The following ADAM19 variants were observed in gnomAD, a reference collection of about 807,000 sequenced individuals.
ADAM19 encodes the protein ADAM metallopeptidase domain 19.
A neutral mutation model predicts 114.7 loss-of-function variants in ADAM19; 65 were observed. The ratio of observed to expected loss-of-function variants is 0.57; its 90% confidence interval spans 0.46 to 0.70. The LOEUF is 0.70. ADAM19 is among the 30% of genes least tolerant of loss of function. The probability of loss-of-function intolerance (pLI) is 0.00; values close to 1 mark genes in which losing one functional copy is unlikely to be tolerated. For synonymous variants in ADAM19, 466 were observed against 460.5 expected (o/e 1.01, Z -0.15); for missense variants, 1,063 against 1,204.7 (o/e 0.88, Z 1.74).
rs543884212 is a variant in ADAM19 at position 157,483,806 on chromosome 5, G to C, written c.2551-1863C>G. Reference sequence around the variant, plus strand: ...CCACCACCATGCCCAGCTAATTTTTGTATTTTTAGTAGAGACGGGGTTTCG... The same window carrying C: ...CCACCACCATGCCCAGCTAATTTTTCTATTTTTAGTAGAGACGGGGTTTCG... On this transcript the variant is annotated intron_variant, in intron 21 of 22. Coordinates refer to ENST00000257527, the MANE Select transcript of ADAM19 (RefSeq NM_033274.5). Among the ~76,000 whole-genome samples, 299 of 152,094 alleles carry C rather than the reference G, an allele frequency of 2.0e-3. 6 individuals are homozygous for C. Among genetic ancestry groups the C allele is most frequent in the Admixed American group, 0.018 (275 of 15,278 alleles).
chr5:157,524,166 T>C (rs541405309), intron 5 of ADAM19, among the ~76,000 whole-genome samples: 2 of 152,198 alleles, frequency 1.3e-5, no homozygotes, highest in Non-Finnish European at 2.9e-5. Context: ...CAACCCTAAT[T>C]CCTTTAGCTG....
intron 5 of ADAM19, among the ~76,000 whole-genome samples, chr5:157,528,514 G>C (rs1004702651): frequency 2.6e-5 from 4 of 152,194 alleles, no homozygotes; most frequent in Non-Finnish European, 5.9e-5. Context: ...ATACCACTGC[G>C]AGGCCAGTTA....
intron 12 of ADAM19, among the ~76,000 whole-genome samples, chr5:157,502,212 T>C (rs931832362): frequency 6.6e-6 from 1 of 152,232 alleles, no homozygotes; most frequent in African/African-American, 2.4e-5. Context: ...AGTTCTGCTT[T>C]CTGCAGAAAC....
rs759783443 is a variant in ADAM19 at position 157,480,995 on chromosome 5, T to A, written c.2711A>T (p.Glu904Val). ...CCCTCCAGCCCTCTGTGATCTGTAT[T>A]CTGGAAACTGGGAAGAAAAAGAAGG... ...PLAALAPKFP[E>V]YRSQRAGGMI... Residue 904 changes from glutamate (E) to valine (V), a missense_variant, in exon 23 of 23, where the codon GAA (glutamate) becomes GTA (valine). Physicochemically the swap from Glu to Val is moderately radical, Grantham distance 121. Coordinates refer to ENST00000257527, the MANE Select transcript of ADAM19 (RefSeq NM_033274.5). The A allele has an allele frequency of 2.7e-5, 44 of 1,614,000 alleles. No individual in the cohort carries two copies. Among genetic ancestry groups the A allele is most frequent in the Non-Finnish European group, 3.5e-5 (41 of 1,180,022 alleles).
intron 3 of ADAM19, 67 bp from the exon 4 acceptor site, chr5:157,538,058 G>T: frequency 7.4e-7 from 1 of 1,353,602 alleles, no homozygotes; most frequent in Non-Finnish European, 1.1e-6. Context: ...GCAACAACGA[G>T]TGATTTTAAC....
chr5:157,513,324 T>G (rs1755981325), intron 8 of ADAM19, 110 bp downstream of exon 8: 1 of 1,086,938 alleles, frequency 9.2e-7, no homozygotes, highest in Non-Finnish European at 1.4e-6. Flanking sequence ...GCACTGCTCA[T>G]TCCCTTTCAG....
At chr5:157,554,065 C>T (rs1397704057) in intron 3 of ADAM19, among the ~76,000 whole-genome samples, 1 of 152,106 alleles carries the variant, frequency 6.6e-6, no homozygotes, top group Non-Finnish European at 1.5e-5. Context: ...TACACTATGA[C>T]CTCATTTGTA....
At chr5:157,561,246 C>T (rs1323532904) in intron 3 of ADAM19, among the ~76,000 whole-genome samples, 1 of 152,218 alleles carries the variant, frequency 6.6e-6, no homozygotes, top group Admixed American at 6.5e-5. Context: ...GTGTCTGCTG[C>T]CTGAGCTGAA....
rs1030129358 is a variant in ADAM19 at position 157,527,950 on chromosome 5, C to T, written c.407+2857G>A. The stretch of plus-strand genomic sequence containing the variant: ...CACCTAGAAGCTCAGCTGAATTCCT[C>T]TTGGTATCATCAGCTTGAAGATCTC... On this transcript the variant is annotated intron_variant, in intron 5 of 22. Transcript: ENST00000257527. Among the ~76,000 whole-genome samples the T allele has an allele frequency of 7.9e-5, 12 of 152,232 alleles. 1 individual carries two copies. The highest frequency in any genetic ancestry group is 6.5e-4 in the Admixed American group (10 of 15,296).
chr5:157,490,432 T>A lies in ADAM19; in HGVS notation c.2118A>T (p.Gly706=), dbSNP rs1755113949. 1.2e-6 allele frequency: 2 copies of A among 1,614,018 alleles called. No individual in the cohort carries two copies. Among genetic ancestry groups the A allele is most frequent in the East Asian group, 4.5e-5 (2 of 44,880 alleles). ...PPESVGPVVA[G]VLVAILVLAV... The stretch of plus-strand genomic sequence containing the variant: ...CCAGCACCAAGATGGCCACCAACAC[T>A]CCAGCTACCACAGGACCCACACCTT... Residue 706 remains glycine, a synonymous_variant, in exon 19 of 23, where the codon GGA becomes GGT. Coordinates refer to ENST00000257527, the MANE Select transcript of ADAM19 (RefSeq NM_033274.5).
chr5:157,575,544 A>G (rs6556092), intron 1 of ADAM19, 59 bp downstream of exon 1: 1,264,061 of 1,309,118 alleles, frequency 0.97, 610,419 homozygotes, highest in East Asian at 1. Context: ...CGGACCCGCA[A>G]GGCTACTCCC....
chr5:157,481,631 C>A (rs779421590), intron 22 of ADAM19, 160 bp downstream of exon 22: 1 of 1,549,390 alleles, frequency 6.5e-7, no homozygotes. Context: ...CACAGTCAAG[C>A]GGGCACCAAG....
At chr5:157,509,218 A>G in intron 9 of ADAM19, 83 bp downstream of exon 9, 3 of 1,420,904 alleles carry the variant, frequency 2.1e-6, no homozygotes, top group Non-Finnish European at 2.8e-6. Flanking sequence ...AACACTCGCC[A>G]TGGGGCAAAC....
chr5:157,505,760 T>C lies in ADAM19; in HGVS notation c.1039A>G (p.Met347Val). 6.2e-7 allele frequency: 1 copy of C among 1,613,998 alleles called. No homozygotes were observed. ...IGVAATMAHE[M>V]GHNFGMTHDS... is the part of the protein sequence containing the mutation. ...TGGGTCATGCCAAAGTTGTGGCCCATCTCGTGGGCCATGGTGGCAGCCACG... is the reference window on the plus strand; with the variant it reads ...TGGGTCATGCCAAAGTTGTGGCCCACCTCGTGGGCCATGGTGGCAGCCACG... The change falls in exon 11 of 23, where the codon ATG becomes GTG. Residue 347 changes from methionine to valine, a missense_variant. Physicochemically the swap from Met to Val is conservative, Grantham distance 21 (BLOSUM62 1). Transcript: ENST00000257527.
intron 8 of ADAM19, among the ~76,000 whole-genome samples, chr5:157,511,334 G>A (rs1755914034): frequency 6.6e-6 from 1 of 152,196 alleles, no homozygotes; most frequent in South Asian, 2.1e-4. Context: ...AGGCACTGAG[G>A]CTTAGAGAAG....
chr5:157,542,901 C>T (rs1756954907), intron 3 of ADAM19, among the ~76,000 whole-genome samples: 1 of 152,110 alleles, frequency 6.6e-6, no homozygotes, highest in East Asian at 1.9e-4. Context: ...AAGAGTGTGG[C>T]TTTGAAAGAT....
chr5:157,523,720 C>T (rs1217147882), intron 5 of ADAM19, among the ~76,000 whole-genome samples: 5 of 152,160 alleles, frequency 3.3e-5, no homozygotes, highest in Non-Finnish European at 7.4e-5. Flanking sequence ...AATTACCCAG[C>T]CTTACGTATT....
At chr5:157,509,496 C>T (rs1581313598) in intron 8 of ADAM19, 29 bp from the exon 9 acceptor site, 1 of 1,496,218 alleles carries the variant, frequency 6.7e-7, no homozygotes, top group Non-Finnish European at 9.0e-7. Flanking sequence ...ACCACAGTAT[C>T]TGTCAATACC....
At chr5:157,551,720 T>C (rs1303733603) in intron 3 of ADAM19, among the ~76,000 whole-genome samples, 1 of 147,592 alleles carries the variant, frequency 6.8e-6, no homozygotes, top group Non-Finnish European at 1.5e-5. Context: ...AACAACTCTA[T>C]AAGAAAAAAA....
Sources: allele counts gnomAD v4.1 joint callset (sites outside exome capture counted in the v4.1 genomes callset), GRCh38; gene constraint gnomAD v4.1.1; transcripts MANE v1.5; gene names NCBI Gene and HGNC (gene_info 2026-07-23, HGNC 2026-07-21).